Variants in CFLAR observed in about 807,000 individuals in gnomAD.
CFLAR encodes CASP8 and FADD-like apoptosis regulator.
In CFLAR, 14 loss-of-function variants were observed where a neutral mutation model predicts 51.1. That is an observed-to-expected ratio of 0.27 (90% CI 0.18 to 0.43). The LOEUF is 0.43. CFLAR is among the 20% of genes least tolerant of loss of function. The pLI, the probability that CFLAR is intolerant of heterozygous loss-of-function variation, is 1.00. For synonymous variants in CFLAR, 210 were observed against 211.6 expected (o/e 0.99, Z 0.06); for missense variants, 390 against 566.5 (o/e 0.69, Z 3.16).
intron 6 of CFLAR, among the ~76,000 whole-genome samples, chr2:201,147,049 G>A (rs1940329824): frequency 6.6e-6 from 1 of 152,190 alleles, no homozygotes; most frequent in South Asian, 2.1e-4. Context: ...GAAAATAGGA[G>A]ACCTAGTAGA....
chr2:201,143,053 T>G (rs1474425964), intron 5 of CFLAR, among the ~76,000 whole-genome samples: 1 of 152,204 alleles, frequency 6.6e-6, no homozygotes, highest in African/African-American at 2.4e-5. Flanking sequence ...ATATTGTCAT[T>G]CTTAGTTAAA....
intron 1 of CFLAR, among the ~76,000 whole-genome samples, chr2:201,125,975 A>T (rs1432509783): frequency 6.6e-6 from 1 of 152,086 alleles, no homozygotes; most frequent in East Asian, 1.9e-4. Context: ...GCTGGCAGTC[A>T]GGAGGGAAAA....
At chr2:201,126,991 G>A (rs1004093728) in intron 1 of CFLAR, among the ~76,000 whole-genome samples, 8 of 152,168 alleles carry the variant, frequency 5.3e-5, no homozygotes, top group African/African-American at 1.9e-4. Flanking sequence ...TTTGTACCAG[G>A]GTGTGGGTGT....
At chr2:201,145,594 T>C (rs1939970939) in intron 6 of CFLAR, 162 bp downstream of exon 6, 1 of 580,536 alleles carries the variant, frequency 1.7e-6, no homozygotes, top group Non-Finnish European at 3.1e-6. Flanking sequence ...TTGGCATTTC[T>C]AGTTGTCTAT....
At chr2:201,161,320 G>A (rs1038336740) in intron 9 of CFLAR, among the ~76,000 whole-genome samples, 13 of 152,226 alleles carry the variant, frequency 8.5e-5, no homozygotes, top group Non-Finnish European at 1.6e-4. Flanking sequence ...GCAGTGAGTC[G>A]TGATTGCACT....
chr2:201,148,958 G>A, intron 6 of CFLAR, 45 bp from the exon 7 acceptor site: 1 of 1,384,372 alleles, frequency 7.2e-7, no homozygotes, highest in Non-Finnish European at 1.0e-6. Context: ...GGTGGACTTA[G>A]CTCTCCTTCA....
In CFLAR at chr2:201,176,662, C is replaced by T. The variant is rs983312004; in HGVS notation, c.*12689C>T. Reference sequence around the variant, plus strand: ...CGTTTATCTTACCTTTTTTGAGCAGCATTAAAACTGTTTTACTCAGACCAA... The same window carrying T: ...CGTTTATCTTACCTTTTTTGAGCAGTATTAAAACTGTTTTACTCAGACCAA... On this transcript the variant is annotated 3_prime_UTR_variant, in exon 10 of 10. Transcript: ENST00000309955. 3 of 152,078 alleles carry T rather than the reference C, an allele frequency of 2.0e-5. No individual in the cohort carries two copies. Among genetic ancestry groups the T allele is most frequent in the African/African-American group, 7.2e-5 (3 of 41,400 alleles). 9.4% of individuals were successfully genotyped at this position (152,078 alleles called of 1,614,324 possible). A position where few individuals can be genotyped will look rare whatever the true frequency, so the allele number is the denominator to read the frequency against.
chr2:201,130,187 G>GGTGGA, intron 2 of CFLAR, 41 bp downstream of exon 2: 1 of 292,394 alleles, frequency 3.4e-6, no homozygotes, highest in Non-Finnish European at 7.1e-6. Flanking sequence ...GGGTGGGAGG[G>GGTGGA]AGTGAAGTGT....
At chr2:201,130,187 G>GT in intron 2 of CFLAR, 41 bp downstream of exon 2, 1 of 292,392 alleles carries the variant, frequency 3.4e-6, no homozygotes, top group East Asian at 9.3e-5. Flanking sequence ...GGGTGGGAGG[G>GT]AGTGAAGTGT....
At chr2:201,151,903 C>T (rs1330493574) in intron 8 of CFLAR, among the ~76,000 whole-genome samples, 1 of 151,790 alleles carries the variant, frequency 6.6e-6, no homozygotes, top group Non-Finnish European at 1.5e-5. Context: ...TGGAATATGA[C>T]AGTGTGGGTT....
At chr2:201,150,718 G>A (rs1441956481) in intron 8 of CFLAR, among the ~76,000 whole-genome samples, 1 of 152,106 alleles carries the variant, frequency 6.6e-6, no homozygotes, top group African/African-American at 2.4e-5. Flanking sequence ...AGAGATTTTA[G>A]GGACCAGGCC....
intron 9 of CFLAR, 149 bp downstream of exon 9, chr2:201,161,091 A>G (rs1291793796): frequency 1.7e-6 from 1 of 599,140 alleles, no homozygotes; most frequent in Non-Finnish European, 3.0e-6. Context: ...CTAGGACTAC[A>G]GTATAGACCC....
intron 1 of CFLAR, among the ~76,000 whole-genome samples, chr2:201,125,285 G>C (rs1226954385): frequency 6.6e-6 from 1 of 152,084 alleles, no homozygotes; most frequent in Non-Finnish European, 1.5e-5. Flanking sequence ...AGTGAATTGT[G>C]GTTGAAGAAA....
At chr2:201,153,519 C>G (rs1472121022) in intron 8 of CFLAR, 1 of 152,224 alleles carries the variant, frequency 6.6e-6, no homozygotes, top group African/African-American at 2.4e-5. Context: ...TCTTTTCCTT[C>G]TAATCCGCAG....
chr2:201,155,376 C>T (rs1333490210), intron 8 of CFLAR, among the ~76,000 whole-genome samples: 7 of 151,530 alleles, frequency 4.6e-5, no homozygotes, highest in Admixed American at 1.3e-4. Context: ...AGCGATTCTC[C>T]GCCTCAGCCT....
At chr2:201,160,368 C>G in intron 8 of CFLAR, 64 bp from the exon 9 acceptor site, 1 of 1,517,496 alleles carries the variant, frequency 6.6e-7, no homozygotes, top group Non-Finnish European at 8.9e-7. Flanking sequence ...GGATTCCTAC[C>G]CAGTCCTCTT....
intron 5 of CFLAR, chr2:201,142,632 T>G (rs1939192558): frequency 6.6e-6 from 1 of 152,488 alleles, no homozygotes; most frequent in Admixed American, 6.6e-5. Flanking sequence ...AGAGTTTCGT[T>G]CTTGTTGCCC....
At chr2:201,146,031 CT>C (rs1940082897) in intron 6 of CFLAR, among the ~76,000 whole-genome samples, 1 of 151,630 alleles carries the variant, frequency 6.6e-6, no homozygotes, top group African/African-American at 2.4e-5. Flanking sequence ...CAGTGGTACA[CT>C]TTTGGCTCAC....
At chr2:201,134,607 C>T (rs1362211536) in intron 3 of CFLAR, among the ~76,000 whole-genome samples, 1 of 150,366 alleles carries the variant, frequency 6.7e-6, no homozygotes, top group African/African-American at 2.5e-5. Context: ...TGCACTCCAG[C>T]CTGGGCTATA....
Sources: gnomAD v4.1 joint callset for allele counts (sites outside exome capture counted in the v4.1 genomes callset) on GRCh38, gnomAD v4.1.1 for gene constraint, MANE v1.5 for transcripts, NCBI Gene and HGNC (gene_info 2026-07-23, HGNC 2026-07-21) for gene names.